The following SUN1 variants were observed in gnomAD, a reference collection of about 807,000 sequenced individuals.
The protein encoded by SUN1 is SUN domain-containing protein 1.
Under a neutral mutation model 103.2 loss-of-function variants are expected in SUN1, and 61 were observed. That is an observed-to-expected ratio of 0.59 (90% CI 0.48 to 0.73). The LOEUF is 0.73. Among genes scored for constraint, SUN1 ranks in the 30% least tolerant of loss-of-function variants. The pLI is 0.00. For missense variants in SUN1, 1,052 were observed against 1,034.6 expected (o/e 1.02, Z -0.23); for synonymous variants, 490 against 425.7 (o/e 1.15, Z -1.86).
In SUN1 at chr7:874,750, TTTA is replaced by T. The variant is rs1371872271; in HGVS notation, c.*1422_*1424del. ...GGGGTGGAAATATTTTGAATATTAA[TTTA>T]TTTTTAAAGATGCAAGATAGGACTT... On this transcript the variant is annotated 3_prime_UTR_variant, in exon 19 of 19. Transcript: ENST00000401592. 6.6e-6 allele frequency: 1 copy of T among 152,192 alleles called. No homozygotes were observed. Among genetic ancestry groups the T allele is most frequent in the East Asian group, 1.9e-4 (1 of 5,208 alleles). 9.4% of individuals were successfully genotyped at this position (152,192 alleles called of 1,614,324 possible).
chr7:858,358 C>G (rs1384798366), intron 13 of SUN1, among the ~76,000 whole-genome samples: 1 of 151,514 alleles, frequency 6.6e-6, no homozygotes, highest in African/African-American at 2.4e-5. Flanking sequence ...CATGCCTGGC[C>G]TAAGTTGTTT....
At chr7:816,482 G>T (rs1348052286), upstream of SUN1, 2 of 168,010 alleles carry the variant, frequency 1.2e-5, no homozygotes, top group South Asian at 7.0e-5. Flanking sequence ...AGTCCTCCTC[G>T]CCCCTCCGCC....
chr7:860,380 G>A lies in SUN1; in HGVS notation c.1777G>A (p.Ala593Thr). 4 of 1,611,400 alleles carry A rather than the reference G, an allele frequency of 2.5e-6. No individual in the cohort carries two copies. Among genetic ancestry groups the A allele is most frequent in the Non-Finnish European group, 3.4e-6 (4 of 1,177,882 alleles). The change falls in exon 14 of 19, where the codon GCG (alanine) becomes ACG (threonine). Residue 593 changes from alanine to threonine, a missense_variant and splice_region_variant. This residue lies in a region of SUN1 where 206 missense variants were observed against 260.1 expected (regional missense o/e 0.79). Coordinates refer to ENST00000401592, the MANE Select transcript of SUN1 (RefSeq NM_001130965.3). Reference sequence around the variant, plus strand: ...GGCGGGGGCGTCTGGAATAACAGAGGCGGTGAGTCGGCGAGTCGGCGGCAA... The same window carrying A: ...GGCGGGGGCGTCTGGAATAACAGAGACGGTGAGTCGGCGAGTCGGCGGCAA... ...SEAGASGITE[A>T]QARAIVNSAL... is the part of the protein sequence containing the mutation.
In SUN1 at chr7:852,407, G is replaced by A. The variant is rs1054903669; in HGVS notation, c.852-202G>A. 1.1e-5 allele frequency: 7 copies of A among 644,850 alleles called. No individual in the cohort carries two copies. In the East Asian group the frequency reaches 1.6e-4, roughly 15 times the overall value. The allele number at this position is 644,850 out of a possible 1,614,324, so 39.9% of individuals were successfully genotyped here. On this transcript the variant is annotated intron_variant, in intron 7 of 18. Transcript: ENST00000401592. ...CTCAGGCCATTCCCACAGCACCAGAGAGTTGGTAACGTAGGTCTCAAAGAC... is the reference window on the plus strand; with the variant it reads ...CTCAGGCCATTCCCACAGCACCAGAAAGTTGGTAACGTAGGTCTCAAAGAC...
intron 1 of SUN1, among the ~76,000 whole-genome samples, chr7:823,956 C>A (rs78452174): frequency 0.11 from 16,790 of 152,276 alleles, 1,141 homozygotes; most frequent in South Asian, 0.23. Context: ...TTATTAATGG[C>A]TTGCAGTATA....
At chr7:834,787 T>A (rs938141569) in intron 1 of SUN1, among the ~76,000 whole-genome samples, 1 of 152,136 alleles carries the variant, frequency 6.6e-6, no homozygotes, top group Non-Finnish European at 1.5e-5. Flanking sequence ...TTTTTTTCTC[T>A]TTTGGGGGCC....
intron 2 of SUN1, among the ~76,000 whole-genome samples, chr7:840,790 C>T (rs1433770066): frequency 2.1e-5 from 3 of 144,800 alleles, no homozygotes; most frequent in East Asian, 2.1e-4. Context: ...TACAGGTGCC[C>T]GCCACCATGC....
intron 1 of SUN1, among the ~76,000 whole-genome samples, chr7:821,565 C>T (rs74329624): frequency 6.6e-6 from 1 of 152,148 alleles, no homozygotes; most frequent in Non-Finnish European, 1.5e-5. Context: ...GTCTCCTAGT[C>T]TGCTTTATAG....
Position 839,744 on chromosome 7 carries a change from G to A in SUN1, c.266+758G>A, listed in dbSNP as rs544377664. Among the ~76,000 whole-genome samples, 208 of 126,678 alleles carry A rather than the reference G, an allele frequency of 1.6e-3. 12 individuals carry two copies. The highest frequency in any genetic ancestry group is 5.8e-3 in the African/African-American group (196 of 33,994). The allele number at this position is 126,678 out of a possible 152,430, so 83.1% of individuals were successfully genotyped here. On this transcript the variant is annotated intron_variant, in intron 2 of 18. Transcript: ENST00000401592. ...ATTTTTGTATTTTTAGTAGAGACGC[G>A]GTTTTCACCATGTTGGCCAGGCTGG...
At chr7:838,667 A>C in intron 1 of SUN1, 131 bp from the exon 2 acceptor site, 1 of 916,598 alleles carries the variant, frequency 1.1e-6, no homozygotes, top group South Asian at 2.0e-5. Flanking sequence ...CTTTAGAGTG[A>C]GGTTGTCACC....
intron 10 of SUN1, 125 bp downstream of exon 10, chr7:853,743 G>C: frequency 9.3e-7 from 1 of 1,074,468 alleles, no homozygotes; most frequent in Non-Finnish European, 1.3e-6. Context: ...TGCCCTTTCT[G>C]TTCTTAGTTG....
chr7:831,269 CGTG>C (rs1797684220), upstream of SUN1, among the ~76,000 whole-genome samples: 1 of 132,196 alleles, frequency 7.6e-6, no homozygotes, highest in South Asian at 2.7e-4. Context: ...AGTTTTGAAA[CGTG>C]CTTTTTTTTT....
rs573912100 is a variant in SUN1, at chr7:817,152, G to A, written c.-74+479G>A. ...AAGACGGTTTTATTTAAGAGGGGGG[G>A]TCTCGCTGTGTTTCCCAGGCTGGTC... is the stretch of plus-strand genomic sequence containing the variant. On this transcript the variant is annotated intron_variant, in intron 1 of 17. Coordinates refer to the SUN1 transcript ENST00000389574. 3,199 of 455,942 alleles carry A rather than the reference G, an allele frequency of 7.0e-3. 21 individuals are homozygous for A. The highest frequency in any genetic ancestry group is 9.1e-3 in the Non-Finnish European group (2,280 of 249,802). 28.2% of individuals were successfully genotyped at this position (455,942 alleles called of 1,614,324 possible).
At chr7:843,863 A>AGG in intron 5 of SUN1, 1 of 1,327,742 alleles carries the variant, frequency 7.5e-7, no homozygotes, top group Non-Finnish European at 9.6e-7. Context: ...CACATACTGA[A>AGG]GGAGTGGCTT....
chr7:824,637 A>T (rs1789636456), intron 1 of SUN1, among the ~76,000 whole-genome samples: 1 of 152,102 alleles, frequency 6.6e-6, no homozygotes, highest in Non-Finnish European at 1.5e-5. Flanking sequence ...TGGTAAGGAG[A>T]TGTGTGCACG....
At chr7:866,097 C>G in intron 16 of SUN1, 30 bp downstream of exon 16, 1 of 1,591,132 alleles carries the variant, frequency 6.3e-7, no homozygotes, top group Non-Finnish European at 8.6e-7. Context: ...CGGAGCTGCT[C>G]CTCTTCAGCA....
chr7:828,064 C>A (rs767999737), upstream of SUN1, among the ~76,000 whole-genome samples: 1 of 151,652 alleles, frequency 6.6e-6, no homozygotes, highest in African/African-American at 2.4e-5. Flanking sequence ...CCACCACACC[C>A]GGCTGATTTT....
At chr7:846,985 C>T (rs1816474681) in intron 5 of SUN1, among the ~76,000 whole-genome samples, 1 of 152,160 alleles carries the variant, frequency 6.6e-6, no homozygotes, top group African/African-American at 2.4e-5. Context: ...TGCTAGGCCA[C>T]AGAGCAAGAG....
intron 1 of SUN1, among the ~76,000 whole-genome samples, chr7:834,292 G>C (rs901736637): frequency 5.3e-5 from 8 of 152,302 alleles, no homozygotes; most frequent in African/African-American, 1.7e-4. Context: ...ATTTAAAGGT[G>C]GGGGGCTCTC....
Sources: gnomAD v4.1 joint callset for allele counts (sites outside exome capture counted in the v4.1 genomes callset) on GRCh38, gnomAD v4.1.1 for gene constraint, gnomAD v4.1.1 regional missense constraint, MANE v1.5 for transcripts, NCBI Gene and HGNC (gene_info 2026-07-23, HGNC 2026-07-21) for gene names.